PKNOX2: variants seen among roughly 807,000 people sequenced by gnomAD.
PKNOX2 encodes the protein homeobox protein PKNOX2.
Under a neutral mutation model 53.1 loss-of-function variants are expected in PKNOX2, and 14 were observed. The observed-to-expected ratio is 0.26, with a 90% confidence interval of 0.17 to 0.41. The LOEUF (loss-of-function observed/expected upper bound fraction) is 0.41. Ranked by LOEUF, PKNOX2 falls within the 10% of genes least tolerant of loss-of-function variation. The probability of loss-of-function intolerance (pLI) is 1.00; values close to 1 mark genes in which losing one functional copy is unlikely to be tolerated. For missense variants in PKNOX2, 496 were observed against 602.8 expected (o/e 0.82, Z 1.85); for synonymous variants, 257 against 242.8 (o/e 1.06, Z -0.54).
chr11:125,316,456 AT>A (rs1949199445), intron 2 of PKNOX2, among the ~76,000 whole-genome samples: 1 of 152,278 alleles, frequency 6.6e-6, no homozygotes, highest in African/African-American at 2.4e-5. Context: ...AGCCTTCCCA[AT>A]CTTTGACTCG....
intron 2 of PKNOX2, among the ~76,000 whole-genome samples, chr11:125,237,377 AC>A (rs1007889477): frequency 1.3e-5 from 2 of 151,920 alleles, no homozygotes; most frequent in Non-Finnish European, 2.9e-5. Context: ...GAACATAAAT[AC>A]CCCCCTTCTC....
At chr11:125,253,591 T>C (rs1246427702) in intron 2 of PKNOX2, among the ~76,000 whole-genome samples, 13 of 152,266 alleles carry the variant, frequency 8.5e-5, no homozygotes, top group Admixed American at 8.5e-4. Context: ...CATTTCTCAG[T>C]GATAGCACCG....
intron 2 of PKNOX2, among the ~76,000 whole-genome samples, chr11:125,295,802 G>A (rs1018699487): frequency 6.6e-6 from 1 of 152,070 alleles, no homozygotes; most frequent in Non-Finnish European, 1.5e-5. Flanking sequence ...GTATCGTTTC[G>A]GCATCTGCTG....
intron 1 of PKNOX2, among the ~76,000 whole-genome samples, chr11:125,216,874 A>G (rs572715854): frequency 2.0e-5 from 3 of 152,292 alleles, no homozygotes; most frequent in South Asian, 2.1e-4. Context: ...AAGGCGTATT[A>G]AAAGGTGAAG....
chr11:125,178,741 G>A (rs56983146), intron 1 of PKNOX2, among the ~76,000 whole-genome samples: 6,509 of 133,024 alleles, frequency 0.049, 1,252 homozygotes, highest in African/African-American at 0.21. Flanking sequence ...AGAGAGAAAG[G>A]AAGAAAGAGA....
chr11:125,189,076 G>C (rs989792436), intron 1 of PKNOX2, among the ~76,000 whole-genome samples: 3 of 151,782 alleles, frequency 2.0e-5, no homozygotes, highest in African/African-American at 7.3e-5. Flanking sequence ...CTGCGTTTTT[G>C]CTCTCTTCGT....
At position 125,166,918 on chromosome 11, in the gene PKNOX2, C is replaced by T. The variant is rs1259787354; in HGVS notation, c.-201+2142C>T. Among the ~76,000 whole-genome samples, 2 of 152,108 alleles carry T rather than the reference C, an allele frequency of 1.3e-5. No individual in the cohort carries two copies. Among genetic ancestry groups the T allele is most frequent in the Admixed American group, 6.5e-5 (1 of 15,272 alleles). ...ATTTTAGGCAGTTTAGACGATCCTC[C>T]CCGCCCCAAATCTGAGAATGATGGT... On this transcript the variant is annotated intron_variant, in intron 1 of 12. Coordinates refer to ENST00000298282, the MANE Select transcript of PKNOX2 (RefSeq NM_001382323.2). This position sits in a 1 kb window ranked among gnomAD's most constrained non-coding sequence, Gnocchi z 4.0.
chr11:125,215,946 A>G (rs1046594072), intron 1 of PKNOX2, among the ~76,000 whole-genome samples: 1 of 152,158 alleles, frequency 6.6e-6, no homozygotes, highest in Non-Finnish European at 1.5e-5. Context: ...TGCCAACATC[A>G]GAGAAGCCAG....
At chr11:125,268,220 G>A (rs1363127353) in intron 2 of PKNOX2, among the ~76,000 whole-genome samples, 2 of 152,208 alleles carry the variant, frequency 1.3e-5, no homozygotes, top group East Asian at 3.8e-4. Flanking sequence ...TGGAAACCAG[G>A]GAGTGGGGTT....
At chr11:125,324,912 G>A (rs1949745413) in intron 2 of PKNOX2, among the ~76,000 whole-genome samples, 1 of 152,118 alleles carries the variant, frequency 6.6e-6, no homozygotes, top group African/African-American at 2.4e-5. Context: ...GGAAAGGGAT[G>A]GGAGGGGAGG....
rs779506460 is a variant in PKNOX2, at chr11:125,431,178, T to G, written c.1205T>G (p.Leu402Trp). ...PGTNPDGSINLDNLQSLSSDS... is the reference protein window; with the variant it reads ...PGTNPDGSINWDNLQSLSSDS... The stretch of plus-strand genomic sequence containing the variant: ...CTTTCTCTCGCAGGTTCCATCAACT[T>G]GGACAACCTGCAGTCCCTGTCCTCA... Residue 402 changes from leucine to tryptophan, a missense_variant, in exon 13 of 13, where the codon TTG (leucine) becomes TGG (tryptophan). By Grantham distance (61) the Leu-to-Trp change is moderately conservative (BLOSUM62 -2). Coordinates refer to ENST00000298282, the MANE Select transcript of PKNOX2 (RefSeq NM_001382323.2). 1 of 1,613,590 alleles carries G rather than the reference T, an allele frequency of 6.2e-7. No homozygotes were observed. The highest frequency in any genetic ancestry group is 8.5e-7 in the Non-Finnish European group (1 of 1,179,816).
At position 125,305,406 on chromosome 11, in the gene PKNOX2, G is replaced by C. The variant is rs560296660; in HGVS notation, c.-129-26413G>C. 2.0e-4 allele frequency among the ~76,000 whole-genome samples: 30 copies of C among 152,266 alleles called. No homozygotes were observed. In the South Asian group the frequency reaches 5.8e-3, roughly 29 times the overall value. ...AAGACCACAAGTGGCTCTCTCAAAA[G>C]ATCCAGCCTGCTGCGAACTCCCTGA... On this transcript the variant is annotated intron_variant, in intron 2 of 12. Coordinates refer to ENST00000298282, the MANE Select transcript of PKNOX2 (RefSeq NM_001382323.2).
intron 2 of PKNOX2, among the ~76,000 whole-genome samples, chr11:125,326,584 C>A (rs1489619101): frequency 6.6e-6 from 1 of 152,156 alleles, no homozygotes; most frequent in Non-Finnish European, 1.5e-5. Flanking sequence ...TTTTAGCTTC[C>A]AAAGAGCCCC....
At chr11:125,349,695 T>A (rs1419372747) in intron 3 of PKNOX2, among the ~76,000 whole-genome samples, 1 of 152,232 alleles carries the variant, frequency 6.6e-6, no homozygotes, top group African/African-American at 2.4e-5. Flanking sequence ...CTGCACAGAG[T>A]TGGTGGTTGG....
intron 2 of PKNOX2, among the ~76,000 whole-genome samples, chr11:125,296,968 C>T (rs1947702232): frequency 6.6e-6 from 1 of 152,136 alleles, no homozygotes; most frequent in Non-Finnish European, 1.5e-5. Context: ...AGAAGTTGTC[C>T]TATGAAGACA....
At chr11:125,216,534 T>C (rs1315958621) in intron 1 of PKNOX2, among the ~76,000 whole-genome samples, 1 of 152,176 alleles carries the variant, frequency 6.6e-6, no homozygotes, top group Non-Finnish European at 1.5e-5. Context: ...CCTCGTTCCC[T>C]TCCCACCCCT....
At chr11:125,238,471 G>A (rs922987134) in intron 2 of PKNOX2, among the ~76,000 whole-genome samples, 3 of 152,180 alleles carry the variant, frequency 2.0e-5, no homozygotes, top group Non-Finnish European at 2.9e-5. Flanking sequence ...GGCTTAGAGA[G>A]CAAGAGGAAT....
chr11:125,336,198 A>G (rs1365007138), intron 3 of PKNOX2, among the ~76,000 whole-genome samples: 19 of 152,164 alleles, frequency 1.2e-4, no homozygotes, highest in Admixed American at 1.2e-3. Flanking sequence ...ACAGTGTAAA[A>G]GATACAAAAT....
chr11:125,227,717 G>A (rs977868579), intron 1 of PKNOX2, among the ~76,000 whole-genome samples: 2 of 152,172 alleles, frequency 1.3e-5, no homozygotes, highest in South Asian at 2.1e-4. Flanking sequence ...TGCTTCAGTC[G>A]CCACTTTTGC....
Sources: gnomAD v4.1 joint callset for allele counts (sites outside exome capture counted in the v4.1 genomes callset) on GRCh38, gnomAD v4.1.1 for gene constraint, Gnocchi (gnomAD v3.1) non-coding constraint, MANE v1.5 for transcripts, NCBI Gene and HGNC (gene_info 2026-07-23, HGNC 2026-07-21) for gene names.